MATCAP1: variants seen among roughly 807,000 people sequenced by gnomAD.
The protein encoded by MATCAP1 is microtubule-associated tyrosine carboxypeptidase 1.
At chr16:67,180,719 G>T in the MATCAP1 span, 1 of 706,244 alleles carries the variant, frequency 1.4e-6, no homozygotes, top group South Asian at 2.8e-5. Context: ...GTGACCAAAC[G>T]ACCAGCAGGC....
At chr16:67,178,905 A>G in the MATCAP1 span, 1 of 436,106 alleles carries the variant, frequency 2.3e-6, no homozygotes, top group African/African-American at 2.4e-5. Context: ...CCCCGGTAAA[A>G]ATCACTCTTG....
At chr16:67,178,324 T>C in the MATCAP1 span, 2 of 1,582,172 alleles carry the variant, frequency 1.3e-6, no homozygotes, top group South Asian at 1.2e-5. Context: ...CGCGGCGCGG[T>C]GGATGGTGTA....
chr16:67,179,668 C>A, the MATCAP1 span: 112 of 1,468,212 alleles, frequency 7.6e-5, no homozygotes, highest in Admixed American at 1.0e-4. The surrounding 1 kb of genome is among the most constrained non-coding windows in gnomAD (Gnocchi z 5.2). Context: ...GCCAGGGCAC[C>A]CACCCTTCAT....
At chr16:67,181,230 T>C in the MATCAP1 span, among the ~76,000 whole-genome samples, 6 of 152,216 alleles carry the variant, frequency 3.9e-5, no homozygotes, top group Non-Finnish European at 8.8e-5. Context: ...CTTCAGCCTA[T>C]GGCATCTTCT....
At chr16:67,176,059 GT>G in the MATCAP1 span, 4 of 2,034 alleles carry the variant, frequency 2.0e-3, no homozygotes, top group Non-Finnish European at 3.8e-3. This position sits in a 1 kb window ranked among gnomAD's most constrained non-coding sequence, Gnocchi z 4.3. Context: ...GAATCAGTGT[GT>G]GTGTGTGTGT....
chr16:67,176,591 C>G, the MATCAP1 span: 1 of 430,364 alleles, frequency 2.3e-6, no homozygotes, highest in East Asian at 3.6e-5. This position sits in a 1 kb window ranked among gnomAD's most constrained non-coding sequence, Gnocchi z 4.3. Flanking sequence ...GAGGGCGACT[C>G]AGTTTGCCAG....
chr16:67,181,982 G>A, the MATCAP1 span, among the ~76,000 whole-genome samples: 1 of 152,216 alleles, frequency 6.6e-6, no homozygotes, highest in African/African-American at 2.4e-5. Flanking sequence ...CAGGCAGGGT[G>A]GCTCACGCCT....
At chr16:67,179,242 C>G in the MATCAP1 span, 1 of 1,423,088 alleles carries the variant, frequency 7.0e-7, no homozygotes, top group Non-Finnish European at 9.1e-7. The surrounding 1 kb of genome is among the most constrained non-coding windows in gnomAD (Gnocchi z 5.2). Flanking sequence ...AGAGCATGGG[C>G]AGGCATGTTC....
chr16:67,183,177 T>A, the MATCAP1 span: 1 of 152,180 alleles, frequency 6.6e-6, no homozygotes, highest in Non-Finnish European at 1.5e-5. Context: ...TTTAACTAAC[T>A]GTACAGTTTT....
the MATCAP1 span, chr16:67,183,278 G>A: frequency 6.6e-6 from 1 of 152,068 alleles, no homozygotes; most frequent in Non-Finnish European, 1.5e-5. Flanking sequence ...GAAATTACCA[G>A]AATACGCCTG....
chr16:67,180,097 T>G, the MATCAP1 span: 1 of 1,614,200 alleles, frequency 6.2e-7, no homozygotes, highest in South Asian at 1.1e-5. Context: ...GCCGTGGGCA[T>G]GGGCTCCTGG....
the MATCAP1 span, among the ~76,000 whole-genome samples, chr16:67,177,334 G>A: frequency 6.6e-6 from 1 of 152,176 alleles, no homozygotes; most frequent in Non-Finnish European, 1.5e-5. Flanking sequence ...GCTTATGCCA[G>A]CTCCACCCTC....
At chr16:67,178,164 C>A in the MATCAP1 span, 1 of 1,552,090 alleles carries the variant, frequency 6.4e-7, no homozygotes, top group Non-Finnish European at 8.7e-7. Context: ...CGCCCCCACC[C>A]CGGCTCTAGG....
chr16:67,179,178 G>C, the MATCAP1 span: 27 of 1,319,348 alleles, frequency 2.0e-5, no homozygotes, highest in Non-Finnish European at 2.5e-5. This position sits in a 1 kb window ranked among gnomAD's most constrained non-coding sequence, Gnocchi z 5.2. Flanking sequence ...AAGTCGGAGA[G>C]GAAGTGGAGA....
At chr16:67,179,543 T>C in the MATCAP1 span, 5 of 1,613,188 alleles carry the variant, frequency 3.1e-6, no homozygotes, top group East Asian at 1.1e-4. This position sits in a 1 kb window ranked among gnomAD's most constrained non-coding sequence, Gnocchi z 5.2. Context: ...CAGCAGGTCC[T>C]CACTCAGCTG....
At chr16:67,180,499 G>A in the MATCAP1 span, 53 of 1,585,834 alleles carry the variant, frequency 3.3e-5, no homozygotes, top group African/African-American at 5.9e-4. Flanking sequence ...CAGGGGTACA[G>A]TGGTGGCCCA....
At chr16:67,179,462 T>A in the MATCAP1 span, 15 of 1,612,210 alleles carry the variant, frequency 9.3e-6, no homozygotes, top group Middle Eastern at 4.1e-4. This position sits in a 1 kb window ranked among gnomAD's most constrained non-coding sequence, Gnocchi z 5.2. Context: ...CTCCAACCAG[T>A]ACTGGCGGGC....
At chr16:67,178,225 C>T in the MATCAP1 span, 1 of 1,544,212 alleles carries the variant, frequency 6.5e-7, no homozygotes. Context: ...GGTCTGGCCG[C>T]GCTTGGCGCG....
chr16:67,176,876 G>A, the MATCAP1 span: 1 of 1,610,762 alleles, frequency 6.2e-7, no homozygotes, highest in African/African-American at 1.3e-5. This position sits in a 1 kb window ranked among gnomAD's most constrained non-coding sequence, Gnocchi z 4.3. Flanking sequence ...ATGTGCTCCA[G>A]CTGCTGCCGG....
Sources: allele counts gnomAD v4.1 joint callset (sites outside exome capture counted in the v4.1 genomes callset), GRCh38; gene constraint gnomAD v4.1.1; non-coding constraint Gnocchi (gnomAD v3.1); transcripts MANE v1.5; gene names NCBI Gene and HGNC (gene_info 2026-07-23, HGNC 2026-07-21).